Variants in NEXMIF observed in about 807,000 individuals in gnomAD.
NEXMIF encodes the protein XLMR protein related to neurite extension.
In NEXMIF, 8 loss-of-function variants were observed where a neutral mutation model predicts 62.1. That is an observed-to-expected ratio of 0.13 (90% CI 0.08 to 0.23). NEXMIF has a LOEUF of 0.23. Among genes scored for constraint, NEXMIF ranks in the 10% least tolerant of loss-of-function variants. The probability of loss-of-function intolerance (pLI) is 1.00; values close to 1 mark genes in which losing one functional copy is unlikely to be tolerated. For missense variants in NEXMIF, 976 were observed against 1,113.3 expected (o/e 0.88, Z 1.75); for synonymous variants, 404 against 416.6 (o/e 0.97, Z 0.37).
chrX:74,821,693 CA>C (rs1417437128), intron 1 of NEXMIF, among the ~76,000 whole-genome samples: 2 of 111,668 alleles, frequency 1.8e-5, no homozygotes, highest in African/African-American at 6.5e-5. Flanking sequence ...ATAATAAAAA[CA>C]AAAAAGTTAA....
intron 1 of NEXMIF, 31 bp from the exon 2 acceptor site, chrX:74,745,728 T>C (rs1338620847): frequency 1.6e-6 from 1 of 641,832 alleles, no homozygotes; most frequent in Non-Finnish European, 2.5e-6. Context: ...ATATCAGTCA[T>C]TAAATTTGTT....
chrX:74,890,011 T>C (rs201784298), intron 1 of NEXMIF, among the ~76,000 whole-genome samples: 1 of 81,000 alleles, frequency 1.2e-5, no homozygotes, highest in African/African-American at 4.9e-5. Flanking sequence ...TCTCTCTCCC[T>C]CTCTCTCTCT....
At chrX:74,896,952 TA>T (rs1323225660) in intron 1 of NEXMIF, among the ~76,000 whole-genome samples, 4 of 112,167 alleles carry the variant, frequency 3.6e-5, no homozygotes, top group Non-Finnish European at 7.5e-5. Flanking sequence ...AAGCTAACCA[TA>T]TGCTTTCTAA....
chrX:74,799,680 G>C (rs1383190753), intron 1 of NEXMIF, among the ~76,000 whole-genome samples: 2 of 110,971 alleles, frequency 1.8e-5, no homozygotes, highest in Non-Finnish European at 1.9e-5. Flanking sequence ...GTCCAGGCTG[G>C]AGTGCACCGG....
At chrX:74,801,942 T>C (rs1053357677) in intron 1 of NEXMIF, among the ~76,000 whole-genome samples, 1 of 112,106 alleles carries the variant, frequency 8.9e-6, no homozygotes, top group African/African-American at 3.2e-5. Context: ...TGTGGGCCTG[T>C]GGTTGTGGTG....
chrX:74,876,459 T>C (rs772390584), intron 1 of NEXMIF, among the ~76,000 whole-genome samples: 1 of 111,556 alleles, frequency 9.0e-6, no homozygotes, highest in Non-Finnish European at 1.9e-5. Context: ...GAAAAAAATG[T>C]ATATTCTGTG....
chrX:74,770,370 C>T (rs2080206302), intron 1 of NEXMIF, among the ~76,000 whole-genome samples: 1 of 112,028 alleles, frequency 8.9e-6, no homozygotes. Context: ...AATCTGTGAA[C>T]AATACCTACA....
At chrX:74,762,513 G>A (rs1211997680) in intron 1 of NEXMIF, among the ~76,000 whole-genome samples, 1 of 111,475 alleles carries the variant, frequency 9.0e-6, no homozygotes, top group Non-Finnish European at 1.9e-5. Context: ...GGTATTTCTA[G>A]TTCTAGATCC....
chrX:74,756,476 G>A (rs1193346882), intron 1 of NEXMIF, among the ~76,000 whole-genome samples: 1 of 110,723 alleles, frequency 9.0e-6, no homozygotes, highest in Non-Finnish European at 1.9e-5. Context: ...CCCATTAGAA[G>A]CATTTTCTCA....
At chrX:74,886,872 A>G (rs2080696161) in intron 1 of NEXMIF, among the ~76,000 whole-genome samples, 1 of 105,413 alleles carries the variant, frequency 9.5e-6, no homozygotes, top group Non-Finnish European at 1.9e-5. Flanking sequence ...ACAAAGCTGG[A>G]GGCATCACGC....
intron 1 of NEXMIF, among the ~76,000 whole-genome samples, chrX:74,882,038 A>AT (rs1392605399): frequency 9.0e-6 from 1 of 111,583 alleles, no homozygotes; most frequent in Non-Finnish European, 1.9e-5. Context: ...CTGCCAAACC[A>AT]TTTTGCACAC....
At chrX:74,777,501 A>G (rs958419433) in intron 1 of NEXMIF, among the ~76,000 whole-genome samples, 14 of 111,931 alleles carry the variant, frequency 1.3e-4, no homozygotes, top group African/African-American at 3.6e-4. Context: ...ACTGTTAAAT[A>G]TAATTTCCCT....
At chrX:74,773,801 C>T (rs754631777) in intron 1 of NEXMIF, among the ~76,000 whole-genome samples, 135 of 102,466 alleles carry the variant, frequency 1.3e-3, no homozygotes, top group African/African-American at 4.3e-3. Context: ...TCCAGCTACT[C>T]GGGAGGCTGA....
rs1020150752 is a variant in NEXMIF at position 74,920,628 on chromosome X, G to T, written c.-48+4255C>A. Among the ~76,000 whole-genome samples the T allele has an allele frequency of 3.6e-5, 4 of 111,765 alleles. No individual in the cohort carries two copies. In the South Asian group the frequency reaches 1.5e-3, roughly 41 times the overall value. ...TTGGCTGTGCAGAAGCTCTTTAGTTGAATTAGATCCCATTTGTCAATTTTG... is the reference window on the plus strand; with the variant it reads ...TTGGCTGTGCAGAAGCTCTTTAGTTTAATTAGATCCCATTTGTCAATTTTG... On this transcript the variant is annotated intron_variant, in intron 1 of 3. Transcript: ENST00000055682.
chrX:74,916,499 G>C (rs1027537528), intron 1 of NEXMIF, among the ~76,000 whole-genome samples: 35 of 111,310 alleles, frequency 3.1e-4, no homozygotes, highest in African/African-American at 1.1e-3. Context: ...GGTTATCACG[G>C]GAGTGGGACT....
intron 1 of NEXMIF, among the ~76,000 whole-genome samples, chrX:74,835,510 C>T (rs1308252509): frequency 8.9e-6 from 1 of 112,064 alleles, no homozygotes; most frequent in Non-Finnish European, 1.9e-5. Context: ...GTGGTTTTTG[C>T]AGACTCATAA....
At chrX:74,922,864 T>C (rs1389005038) in intron 1 of NEXMIF, among the ~76,000 whole-genome samples, 3 of 112,009 alleles carry the variant, frequency 2.7e-5, no homozygotes, top group Non-Finnish European at 5.6e-5. Flanking sequence ...CATGTGTTTT[T>C]GTATGAGTTT....
At chrX:74,876,816 C>T (rs1435171954) in intron 1 of NEXMIF, among the ~76,000 whole-genome samples, 64 of 105,037 alleles carry the variant, frequency 6.1e-4, no homozygotes, top group Non-Finnish European at 9.4e-4. Context: ...ATTGCAACCC[C>T]TGCCTTTTTT....
intron 1 of NEXMIF, among the ~76,000 whole-genome samples, chrX:74,856,035 C>T (rs2080533688): frequency 8.9e-6 from 1 of 111,747 alleles, no homozygotes; most frequent in Admixed American, 9.5e-5. Flanking sequence ...ATGCAAAAAA[C>T]AAGAAAGTAT....
Sources: gnomAD v4.1 joint callset for allele counts (sites outside exome capture counted in the v4.1 genomes callset) on GRCh38, gnomAD v4.1.1 for gene constraint, MANE v1.5 for transcripts, NCBI Gene and HGNC (gene_info 2026-07-23, HGNC 2026-07-21) for gene names.